The following CFLAR variants were observed in gnomAD, a reference collection of about 807,000 sequenced individuals.
The protein encoded by CFLAR is CASP8 and FADD like apoptosis regulator.
Under a neutral mutation model 51.1 loss-of-function variants are expected in CFLAR, and 14 were observed. The observed-to-expected ratio is 0.27, with a 90% CI of 0.18 to 0.43. CFLAR has a LOEUF of 0.43. Ranked by LOEUF, CFLAR falls within the 20% of genes least tolerant of loss-of-function variation. The pLI is 1.00. For synonymous variants in CFLAR, 210 were observed against 211.6 expected (o/e 0.99, Z 0.06); for missense variants, 390 against 566.5 (o/e 0.69, Z 3.16).
chr2:201,136,172 C>T, intron 4 of CFLAR, 65 bp downstream of exon 4: 1 of 1,612,380 alleles, frequency 6.2e-7, no homozygotes, highest in Non-Finnish European at 8.5e-7. Context: ...GGCATCATGA[C>T]TGATAAATAT....
chr2:201,135,873 T>A, intron 3 of CFLAR, 99 bp from the exon 4 acceptor site: 1 of 1,504,390 alleles, frequency 6.6e-7, no homozygotes, highest in Non-Finnish European at 8.9e-7. Flanking sequence ...GCAGTCTTCC[T>A]GCCTCAGCCT....
intron 9 of CFLAR, chr2:201,162,653 C>A (rs16836760): frequency 1.5e-4 from 31 of 211,570 alleles, no homozygotes; most frequent in Non-Finnish European, 2.5e-4. Context: ...AGCAGAAAGT[C>A]CTTGATTTCC....
intron 1 of CFLAR, among the ~76,000 whole-genome samples, chr2:201,120,989 G>A (rs1471042720): frequency 6.6e-6 from 1 of 152,190 alleles, no homozygotes; most frequent in Non-Finnish European, 1.5e-5. Flanking sequence ...CTGAGCACCT[G>A]CTGGGGCTGA....
rs1158376529 is a variant in CFLAR at position 201,165,108 on chromosome 2, C to T, written c.*1135C>T. 6.6e-6 allele frequency: 1 copy of T among 151,948 alleles called. No homozygotes were observed. The highest frequency in any genetic ancestry group is 1.5e-5 in the Non-Finnish European group (1 of 67,990). 9.4% of individuals were successfully genotyped at this position (151,948 alleles called of 1,614,324 possible). The stretch of plus-strand genomic sequence containing the variant: ...ACAAACATTCAGTTTGTAACAATAG[C>T]CTTATGATTTAGAGGTTACTTGTTC... On this transcript the variant is annotated 3_prime_UTR_variant, in exon 10 of 10. Transcript: ENST00000309955.
intron 9 of CFLAR, 82 bp downstream of exon 9, chr2:201,161,024 T>C: frequency 1.1e-6 from 1 of 951,476 alleles, no homozygotes; most frequent in Non-Finnish European, 1.6e-6. Flanking sequence ...TGTGCCACAT[T>C]TGCTGCCCAT....
At chr2:201,137,981 G>A (rs1479571184) in intron 4 of CFLAR, 3 of 747,404 alleles carry the variant, frequency 4.0e-6, no homozygotes, top group East Asian at 2.5e-5. Context: ...CGGCTATGAT[G>A]GGCACACCAA....
In CFLAR at chr2:201,145,444, T is replaced by G. The variant is rs1167270330; in HGVS notation, c.661+12T>G. The G allele has an allele frequency of 6.5e-7, 1 of 1,535,110 alleles. No homozygotes were observed. Among genetic ancestry groups the G allele is most frequent in the East Asian group, 2.2e-5 (1 of 44,500 alleles). On this transcript the variant is annotated intron_variant, in intron 6 of 9. Transcript: ENST00000309955. ...GCTTGGCGCTCAACGTAAGACCACC[T>G]TTTTTTAATATTCATTATTTATAAA...
chr2:201,116,564 G>A lies in CFLAR; in HGVS notation c.-138+83G>A. On this transcript the variant is annotated intron_variant, in intron 1 of 9. Coordinates refer to ENST00000309955, the MANE Select transcript of CFLAR (RefSeq NM_003879.7). This position sits in a 1 kb window ranked among gnomAD's most constrained non-coding sequence, Gnocchi z 4.8. ...AGCCCCGACGCCCGGCCCTGAGTCA[G>A]CATTGCAGCAGGCCCTGCGCCGCCG... is the stretch of plus-strand genomic sequence containing the variant. The A allele has an allele frequency of 6.5e-6, 1 of 153,534 alleles. No individual in the cohort carries two copies. The highest frequency in any genetic ancestry group is 2.1e-4 in the South Asian group (1 of 4,868). 9.5% of individuals were successfully genotyped at this position (153,534 alleles called of 1,614,324 possible). A position where few individuals can be genotyped will look rare whatever the true frequency, so the allele number is the denominator to read the frequency against.
chr2:201,116,679 G>T lies in CFLAR; in HGVS notation c.-138+198G>T, dbSNP rs373814887. ...GCAGTGGCCAGGGGATGGCGGGGGC[G>T]CTTCTGGAACCTGACTCAGTTTTGT... On this transcript the variant is annotated intron_variant, in intron 1 of 9. Coordinates refer to ENST00000309955, the MANE Select transcript of CFLAR (RefSeq NM_003879.7). This position sits in a 1 kb window ranked among gnomAD's most constrained non-coding sequence, Gnocchi z 4.8. Among the ~76,000 whole-genome samples the T allele has an allele frequency of 6.6e-6, 1 of 152,238 alleles. No homozygotes were observed.
At chr2:201,120,771 C>T (rs368553721) in intron 1 of CFLAR, among the ~76,000 whole-genome samples, 2 of 152,142 alleles carry the variant, frequency 1.3e-5, no homozygotes, top group African/African-American at 4.8e-5. Flanking sequence ...TTTTTATCTT[C>T]CCTTTGGCTT....
rs2047630428 is a variant in CFLAR at position 201,116,741 on chromosome 2, G to C, written c.-138+260G>C. 1 of 152,224 alleles carries C rather than the reference G, an allele frequency of 6.6e-6. No homozygotes were observed. Among genetic ancestry groups the C allele is most frequent in the Non-Finnish European group, 1.5e-5 (1 of 68,066 alleles). The allele number at this position is 152,224 out of a possible 1,614,324, so 9.4% of individuals were successfully genotyped here. On this transcript the variant is annotated intron_variant, in intron 1 of 9. Transcript: ENST00000309955. This position sits in a 1 kb window ranked among gnomAD's most constrained non-coding sequence, Gnocchi z 4.8. ...CTCGGTTGTTTACCGCGGGCTTTGC[G>C]GAATGCCCCCGCTTCCGTTTCCGCC...
rs1274685881 is a variant in CFLAR, at chr2:201,170,873, A to G, written c.*6900A>G. The G allele has an allele frequency of 6.6e-6, 1 of 152,230 alleles. No homozygotes were observed. Among genetic ancestry groups the G allele is most frequent in the Non-Finnish European group, 1.5e-5 (1 of 68,028 alleles). 9.4% of individuals were successfully genotyped at this position (152,230 alleles called of 1,614,324 possible). ...GACTGCATGTTTTGGTACCATTTAG[A>G]TATAGTTTAAGATACTTAGAAGTTA... On this transcript the variant is annotated 3_prime_UTR_variant, in exon 10 of 10. Coordinates refer to ENST00000309955, the MANE Select transcript of CFLAR (RefSeq NM_003879.7).
At chr2:201,137,922 C>G in intron 4 of CFLAR, 5 of 764,998 alleles carry the variant, frequency 6.5e-6, no homozygotes, top group South Asian at 2.7e-5. Context: ...TGTGGAGGCT[C>G]CTAGGGCCAG....
intron 1 of CFLAR, among the ~76,000 whole-genome samples, chr2:201,129,162 G>C (rs1283737753): frequency 6.6e-6 from 1 of 152,144 alleles, no homozygotes; most frequent in Non-Finnish European, 1.5e-5. Context: ...TGGCAGCAGA[G>C]GTTTCTGCCC....
chr2:201,158,938 C>T (rs150038468), intron 8 of CFLAR, among the ~76,000 whole-genome samples: 7,916 of 151,036 alleles, frequency 0.052, 706 homozygotes, highest in African/African-American at 0.18. Context: ...AGTGCAGTGG[C>T]GCAATCTTGG....
intron 4 of CFLAR, chr2:201,139,343 GTTTC>G (rs1937832181): frequency 4.3e-6 from 1 of 230,722 alleles, no homozygotes; most frequent in Admixed American, 5.2e-5. Flanking sequence ...ATTGTCCAAG[GTTTC>G]TCCCCATGTG....
In CFLAR at chr2:201,116,184, C is replaced by T. The variant is rs189589369; in HGVS notation, c.-435C>T. ...CAGTCACACAAGCCATAGCAGGAAA[C>T]AGCGAGCTTGCAGCCTCACCGACGA... On this transcript the variant is annotated 5_prime_UTR_variant, in exon 1 of 10. Transcript: ENST00000309955. This position sits in a 1 kb window ranked among gnomAD's most constrained non-coding sequence, Gnocchi z 4.8. The T allele has an allele frequency of 3.8e-4, 58 of 152,424 alleles. 1 individual carries two copies. The highest frequency in any genetic ancestry group is 1.3e-3 in the African/African-American group (55 of 41,586). The allele number at this position is 152,424 out of a possible 1,614,324, so 9.4% of individuals were successfully genotyped here.
rs1359557627 is a variant in CFLAR, at chr2:201,133,118, A to G, written c.371A>G (p.Lys124Arg). ...FLMKDYMGRG[K>R]ISKEKSFLDL... is the part of the protein sequence containing the mutation. ...ATGAAGGATTACATGGGCCGAGGCA[A>G]GATAAGCAAGGAGAAGGTGAGTTTT... is the stretch of plus-strand genomic sequence containing the variant. Residue 124 changes from lysine to arginine, a missense_variant, in exon 3 of 10, where the codon AAG becomes AGG. Lys to Arg is a conservative substitution (Grantham distance 26, BLOSUM62 2). Around this residue, in one of 2 missense-constraint regions of CFLAR, gnomAD observed 103 missense variants for 202.9 expected, o/e 0.51. Coordinates refer to ENST00000309955, the MANE Select transcript of CFLAR (RefSeq NM_003879.7). The G allele has an allele frequency of 1.9e-6, 3 of 1,613,106 alleles. No homozygotes were observed. The highest frequency in any genetic ancestry group is 2.5e-6 in the Non-Finnish European group (3 of 1,179,038).
chr2:201,136,866 T>C, intron 4 of CFLAR: 1 of 228,644 alleles, frequency 4.4e-6, no homozygotes, highest in South Asian at 6.3e-5. Context: ...GATCCCAAAG[T>C]GTGTAAAGTT....
Sources: allele counts gnomAD v4.1 joint callset (sites outside exome capture counted in the v4.1 genomes callset), GRCh38; gene constraint gnomAD v4.1.1; regional missense constraint gnomAD v4.1.1; non-coding constraint Gnocchi (gnomAD v3.1); transcripts MANE v1.5; gene names NCBI Gene and HGNC (gene_info 2026-07-23, HGNC 2026-07-21).